Variants in NCAM1 observed in about 807,000 individuals in gnomAD.
NCAM1 encodes the protein antigen recognized by monoclonal antibody 5.1H11.
Under a neutral mutation model 109.8 loss-of-function variants are expected in NCAM1, and 14 were observed. The ratio of observed to expected loss-of-function variants is 0.13; its 90% CI spans 0.08 to 0.20. NCAM1 has a LOEUF of 0.20. Ranked by LOEUF, NCAM1 falls within the 10% of genes least tolerant of loss-of-function variation. The pLI, the probability that NCAM1 is intolerant of heterozygous loss-of-function variation, is 1.00. For missense variants in NCAM1, 774 were observed against 1,109.9 expected, an observed-to-expected ratio of 0.70 and a Z score of 4.30; for synonymous variants, 418 against 442.9, an observed-to-expected ratio of 0.94 and a Z score of 0.70.
At chr11:113,231,318 C>T (rs1555117160) in intron 9 of NCAM1, 2 of 1,532,642 alleles carry the variant, frequency 1.3e-6, no homozygotes, top group Admixed American at 2.0e-5. Flanking sequence ...TGGCCGGAGG[C>T]TTTGCTTCCA....
chr11:113,243,667 C>T (rs782257416), intron 14 of NCAM1: 4 of 503,202 alleles, frequency 7.9e-6, no homozygotes, highest in South Asian at 4.3e-5. Flanking sequence ...TATGAGTATG[C>T]GTGCATGTTC....
rs151194789 is a variant in NCAM1 at position 113,204,529 on chromosome 11, A to G, written c.346+25A>G. Reference sequence around the variant, plus strand: ...CGTAAGAGCCTCCTTCTTCTTCTGCATTCTCTGGCCTCTCCTTGCCAAGGA... The same window carrying G: ...CGTAAGAGCCTCCTTCTTCTTCTGCGTTCTCTGGCCTCTCCTTGCCAAGGA... On this transcript the variant is annotated intron_variant, in intron 3 of 19. Transcript: ENST00000316851. 299 of 1,608,228 alleles carry G rather than the reference A, an allele frequency of 1.9e-4. No homozygotes were observed. The African/African-American group carries it at 3.8e-3, about 20-fold the overall frequency.
intron 9 of NCAM1, chr11:113,231,144 A>G: frequency 6.8e-7 from 1 of 1,478,458 alleles, no homozygotes; most frequent in Non-Finnish European, 9.1e-7. Flanking sequence ...TGCAGAAATA[A>G]GGATTTCTTT....
At chr11:113,057,878 T>G (rs145056280) in intron 1 of NCAM1, among the ~76,000 whole-genome samples, 1 of 152,160 alleles carries the variant, frequency 6.6e-6, no homozygotes, top group Non-Finnish European at 1.5e-5. Flanking sequence ...CTTCTTATCT[T>G]TTGCCCCACT....
chr11:113,138,062 C>T (rs1264277675), intron 1 of NCAM1, among the ~76,000 whole-genome samples: 3 of 152,104 alleles, frequency 2.0e-5, no homozygotes, highest in African/African-American at 2.4e-5. Context: ...CAGTGCGGGC[C>T]GTGAGTCCCA....
chr11:113,227,614 G>A (rs1555116481), intron 9 of NCAM1, among the ~76,000 whole-genome samples: 1 of 152,150 alleles, frequency 6.6e-6, no homozygotes, highest in African/African-American at 2.4e-5. Context: ...CCAAAGCCTG[G>A]CAGAGACACA....
chr11:113,083,509 A>G (rs781796104), intron 1 of NCAM1, among the ~76,000 whole-genome samples: 4 of 152,160 alleles, frequency 2.6e-5, no homozygotes, highest in Non-Finnish European at 5.9e-5. Context: ...ATGAATTAAC[A>G]TTTATTTGTC....
intron 1 of NCAM1, among the ~76,000 whole-genome samples, chr11:113,087,406 C>CTTTGTTTTTTGTTT (rs1234522350): frequency 6.6e-6 from 1 of 152,150 alleles, no homozygotes; most frequent in East Asian, 1.9e-4. Flanking sequence ...CCTCAGCTGA[C>CTTTGTTTTTTGTTT]TTTGTTTTTT....
chr11:113,191,775 A>G (rs11214537), intron 1 of NCAM1, among the ~76,000 whole-genome samples: 4,538 of 33,028 alleles, frequency 0.14, 181 homozygotes, highest in African/African-American at 0.24. Context: ...GTGTGTGTGT[A>G]TATATATATA....
intron 1 of NCAM1, among the ~76,000 whole-genome samples, chr11:113,075,116 G>C (rs1378865209): frequency 1.3e-5 from 2 of 152,062 alleles, no homozygotes; most frequent in Non-Finnish European, 1.5e-5. Flanking sequence ...ACCCAGGCTG[G>C]AGTGCAGTGG....
At chr11:113,121,989 T>A (rs554797425) in intron 1 of NCAM1, among the ~76,000 whole-genome samples, 14 of 152,284 alleles carry the variant, frequency 9.2e-5, no homozygotes, top group African/African-American at 3.1e-4. Context: ...ACTGAGGAGA[T>A]AAGGCTCGGT....
Position 113,233,444 on chromosome 11 carries a change from A to G in NCAM1, c.1693+127A>G. 9.5e-7 allele frequency: 1 copy of G among 1,047,930 alleles called. No homozygotes were observed. Among genetic ancestry groups the G allele is most frequent in the Non-Finnish European group, 1.4e-6 (1 of 722,326 alleles). The allele number at this position is 1,047,930 out of a possible 1,614,324, so 64.9% of individuals were successfully genotyped here. A position where few individuals can be genotyped will look rare whatever the true frequency, so the allele number is the denominator to read the frequency against. Reference sequence around the variant, plus strand: ...GCACCTCCAGAATTAGGTCAAAGTCATATCTGCCTGTAGAGTTGTTGCCCC... The same window carrying G: ...GCACCTCCAGAATTAGGTCAAAGTCGTATCTGCCTGTAGAGTTGTTGCCCC... On this transcript the variant is annotated intron_variant, in intron 13 of 19. Transcript: ENST00000316851. The surrounding 1 kb of genome is among the most constrained non-coding windows in gnomAD (Gnocchi z 4.5).
chr11:113,054,115 C>T lies in NCAM1; in HGVS notation c.52+92451C>T, dbSNP rs137896671. Among the ~76,000 whole-genome samples, 78 of 152,274 alleles carry T rather than the reference C, an allele frequency of 5.1e-4. No homozygotes were observed. In the East Asian group the frequency reaches 0.015, roughly 29 times the overall value. ...CAAAGATATTTGACAGATCCCCCAACCCCAAGTCCACCAAATATGCTCATA... is the reference window on the plus strand; with the variant it reads ...CAAAGATATTTGACAGATCCCCCAATCCCAAGTCCACCAAATATGCTCATA... On this transcript the variant is annotated intron_variant, in intron 1 of 19. Coordinates refer to ENST00000316851, the MANE Select transcript of NCAM1 (RefSeq NM_181351.5).
intron 14 of NCAM1, chr11:113,243,545 A>G: frequency 3.9e-6 from 2 of 518,132 alleles, no homozygotes; most frequent in Non-Finnish European, 7.7e-6. Context: ...CTCTTTTTTC[A>G]TCGTAGAAAA....
Position 113,233,483 on chromosome 11 carries a change from A to G in NCAM1, c.1693+166A>G, listed in dbSNP as rs1369749955. On this transcript the variant is annotated intron_variant, in intron 13 of 19. Coordinates refer to ENST00000316851, the MANE Select transcript of NCAM1 (RefSeq NM_181351.5). The surrounding 1 kb of genome is among the most constrained non-coding windows in gnomAD (Gnocchi z 4.5). ...AGTTGTTGCCCCTATTGCCACCCCAACCCATGCTCTGTGCTTCAGAGCCTG... is the reference window on the plus strand; with the variant it reads ...AGTTGTTGCCCCTATTGCCACCCCAGCCCATGCTCTGTGCTTCAGAGCCTG... Among the ~76,000 whole-genome samples, 1 of 106,662 alleles carries G rather than the reference A, an allele frequency of 9.4e-6. No homozygotes were observed. Among genetic ancestry groups the G allele is most frequent in the Admixed American group, 8.2e-5 (1 of 12,204 alleles). 70.0% of individuals were successfully genotyped at this position (106,662 alleles called of 152,430 possible).
chr11:113,057,731 A>G (rs1211647179), intron 1 of NCAM1, among the ~76,000 whole-genome samples: 1 of 152,190 alleles, frequency 6.6e-6, no homozygotes. Flanking sequence ...AACTGGGCAG[A>G]TCTTACAAAT....
At chr11:113,171,958 C>T (rs116304249) in intron 1 of NCAM1, among the ~76,000 whole-genome samples, 1,777 of 152,258 alleles carry the variant, frequency 0.012, 27 homozygotes, top group East Asian at 0.048. Flanking sequence ...TGGAGACAGA[C>T]ACACTTGGAG....
chr11:113,273,612 C>G lies in NCAM1; in HGVS notation c.2457-1655C>G, dbSNP rs1555125966. ...AATGGACGAAGGGAACTTCAAGACC[C>G]CAGATATTGACCTTGCAAAGGATGT... On this transcript the variant is annotated intron_variant, in intron 19 of 19. Transcript: ENST00000316851. The surrounding 1 kb of genome is among the most constrained non-coding windows in gnomAD (Gnocchi z 6.0). 2.2e-6 allele frequency: 1 copy of G among 452,078 alleles called. No individual in the cohort carries two copies. Among genetic ancestry groups the G allele is most frequent in the Non-Finnish European group, 4.5e-6 (1 of 224,286 alleles). 28.0% of individuals were successfully genotyped at this position (452,078 alleles called of 1,614,324 possible).
chr11:113,255,059 G>A (rs1314337865), intron 15 of NCAM1, among the ~76,000 whole-genome samples: 1 of 152,108 alleles, frequency 6.6e-6, no homozygotes, highest in Non-Finnish European at 1.5e-5. Flanking sequence ...AGTGTATACT[G>A]CAAATCAAGA....
Sources: allele counts gnomAD v4.1 joint callset (sites outside exome capture counted in the v4.1 genomes callset), GRCh38; gene constraint gnomAD v4.1.1; non-coding constraint Gnocchi (gnomAD v3.1); transcripts MANE v1.5; gene names NCBI Gene and HGNC (gene_info 2026-07-23, HGNC 2026-07-21).